TNFAIP8: variants seen among roughly 807,000 people sequenced by gnomAD.
The protein encoded by TNFAIP8 is tumor necrosis factor alpha-induced protein 8.
Under a neutral mutation model 13.3 loss-of-function variants are expected in TNFAIP8, and 7 were observed. The observed-to-expected ratio is 0.52, with a 90% CI of 0.30 to 0.99. The LOEUF (loss-of-function observed/expected upper bound fraction) is 0.99. Ranked by LOEUF, TNFAIP8 falls within the 50% of genes least tolerant of loss-of-function variation. The pLI, the probability that TNFAIP8 is intolerant of heterozygous loss-of-function variation, is 0.07. For synonymous variants in TNFAIP8, 94 were observed against 87.6 expected, an observed-to-expected ratio of 1.07 and a Z score of -0.41; for missense variants, 258 against 236.9, an observed-to-expected ratio of 1.09 and a Z score of -0.58.
At chr5:119,275,857 GAATA>G (rs1411640026) in intron 1 of TNFAIP8, among the ~76,000 whole-genome samples, 1 of 151,964 alleles carries the variant, frequency 6.6e-6, no homozygotes, top group Non-Finnish European at 1.5e-5. Context: ...TTTGAACAGA[GAATA>G]ACAGGTTATG....
chr5:119,371,598 A>G (rs1752074065), intron 1 of TNFAIP8, among the ~76,000 whole-genome samples: 1 of 119,822 alleles, frequency 8.3e-6, no homozygotes, highest in Non-Finnish European at 1.7e-5. Flanking sequence ...AATGAATCAA[A>G]TTACACATTC....
chr5:119,382,760 G>A (rs1752534500), intron 1 of TNFAIP8, among the ~76,000 whole-genome samples: 2 of 152,206 alleles, frequency 1.3e-5, no homozygotes, highest in Admixed American at 1.3e-4. Context: ...CCCTGACCCA[G>A]TCTGACTCTA....
chr5:119,386,392 G>T (rs946770191), intron 1 of TNFAIP8, among the ~76,000 whole-genome samples: 2 of 152,242 alleles, frequency 1.3e-5, no homozygotes. Context: ...ATGTAGAAGA[G>T]CCATTTGCAA....
intron 1 of TNFAIP8, among the ~76,000 whole-genome samples, chr5:119,289,312 T>C (rs574847862): frequency 6.6e-6 from 1 of 152,274 alleles, no homozygotes; most frequent in Admixed American, 6.5e-5. Flanking sequence ...CCAGGTTTGT[T>C]TCTGTTTTTA....
intron 1 of TNFAIP8, among the ~76,000 whole-genome samples, chr5:119,324,022 G>C (rs1333751276): frequency 3.9e-5 from 6 of 152,060 alleles, no homozygotes; most frequent in Non-Finnish European, 2.9e-5. Context: ...AGGTAAGACT[G>C]TTGGTTGCTG....
At chr5:119,386,090 A>G (rs1314081268) in intron 1 of TNFAIP8, among the ~76,000 whole-genome samples, 1 of 152,256 alleles carries the variant, frequency 6.6e-6, no homozygotes, top group East Asian at 1.9e-4. Flanking sequence ...AAGTTGCCAC[A>G]GAAAAAGAAC....
chr5:119,370,653 G>A lies in TNFAIP8; in HGVS notation c.31+14532G>A, dbSNP rs1358127977. Among the ~76,000 whole-genome samples, 3 of 152,220 alleles carry A rather than the reference G, an allele frequency of 2.0e-5. No individual in the cohort carries two copies. In the South Asian group the frequency reaches 6.2e-4, roughly 31 times the overall value. On this transcript the variant is annotated intron_variant, in intron 1 of 1. Coordinates refer to ENST00000504771, the MANE Select transcript of TNFAIP8 (RefSeq NM_014350.4). ...GCTTGGGCCCAGAGACAAAGGAATA[G>A]TGGTTACTATGACCCAACATCAGTC...
intron 1 of TNFAIP8, among the ~76,000 whole-genome samples, chr5:119,340,331 A>G (rs1297374355): frequency 6.6e-6 from 1 of 152,190 alleles, no homozygotes; most frequent in Non-Finnish European, 1.5e-5. Flanking sequence ...TGAGTGAGCT[A>G]GACTGCCCAT....
intron 1 of TNFAIP8, among the ~76,000 whole-genome samples, chr5:119,293,336 CTT>C (rs1423804673): frequency 4.6e-5 from 7 of 152,126 alleles, no homozygotes; most frequent in African/African-American, 1.4e-4. Context: ...AATTTTATGT[CTT>C]TTGAGCAACA....
At chr5:119,355,685 T>C (rs1216562939), upstream of TNFAIP8, 1 of 344,980 alleles carries the variant, frequency 2.9e-6, no homozygotes, top group African/African-American at 2.1e-5. Flanking sequence ...AGACTTTTTT[T>C]TTCTTTTTAT....
At chr5:119,334,624 CGTGTGTGTGT>C (rs59714206) in intron 1 of TNFAIP8, among the ~76,000 whole-genome samples, 2 of 135,802 alleles carry the variant, frequency 1.5e-5, no homozygotes, top group Non-Finnish European at 3.1e-5. Flanking sequence ...GTGATCCTTT[CGTGTGTGTGT>C]GTGTGTGTGT....
intron 1 of TNFAIP8, among the ~76,000 whole-genome samples, chr5:119,340,225 C>T (rs1750693197): frequency 6.6e-6 from 1 of 152,226 alleles, no homozygotes; most frequent in African/African-American, 2.4e-5. Flanking sequence ...TTCCCCACCA[C>T]ATGAAATGTG....
intron 1 of TNFAIP8, among the ~76,000 whole-genome samples, chr5:119,293,019 A>G (rs1226312036): frequency 1.3e-5 from 2 of 152,018 alleles, no homozygotes; most frequent in Non-Finnish European, 2.9e-5. Flanking sequence ...TTCCAGGTTC[A>G]TCTGTGTTGT....
At chr5:119,356,942 G>A (rs576321567) in intron 1 of TNFAIP8, among the ~76,000 whole-genome samples, 1 of 152,280 alleles carries the variant, frequency 6.6e-6, no homozygotes, top group African/African-American at 2.4e-5. Flanking sequence ...AAATTAGAGA[G>A]TAAGAGAGGA....
At chr5:119,305,371 A>G (rs1004610522) in intron 1 of TNFAIP8, among the ~76,000 whole-genome samples, 7 of 152,238 alleles carry the variant, frequency 4.6e-5, no homozygotes, top group South Asian at 2.1e-4. Context: ...ATTAAAATGT[A>G]TAGGCTTTAA....
upstream of TNFAIP8, among the ~76,000 whole-genome samples, chr5:119,351,095 T>C (rs964733811): frequency 1.3e-5 from 2 of 151,738 alleles, no homozygotes; most frequent in African/African-American, 2.4e-5. Flanking sequence ...TGATCATAGC[T>C]CACTGTAGCC....
intron 1 of TNFAIP8, among the ~76,000 whole-genome samples, chr5:119,299,835 C>G (rs893677418): frequency 6.6e-6 from 1 of 152,198 alleles, no homozygotes; most frequent in South Asian, 2.1e-4. Flanking sequence ...CCCCCAGCCT[C>G]GCTGCTGCCT....
upstream of TNFAIP8, chr5:119,355,546 T>G (rs1751359565): frequency 1.7e-6 from 1 of 579,258 alleles, no homozygotes; most frequent in Non-Finnish European, 3.1e-6. Context: ...AAATCCGTAA[T>G]TTTTGGGTTG....
intron 1 of TNFAIP8, among the ~76,000 whole-genome samples, chr5:119,330,696 C>T (rs551369922): frequency 6.6e-5 from 10 of 152,168 alleles, no homozygotes; most frequent in South Asian, 2.1e-4. Flanking sequence ...TCTGAGATGC[C>T]GAGATAACGT....
Sources: gnomAD v4.1 joint callset for allele counts (sites outside exome capture counted in the v4.1 genomes callset) on GRCh38, gnomAD v4.1.1 for gene constraint, MANE v1.5 for transcripts, NCBI Gene and HGNC (gene_info 2026-07-23, HGNC 2026-07-21) for gene names.